The following FAM120C variants were observed in gnomAD, a reference collection of about 807,000 sequenced individuals.
FAM120C encodes family with sequence similarity 120 member C.
Under a neutral mutation model 71.2 loss-of-function variants are expected in FAM120C, and 14 were observed. The ratio of observed to expected loss-of-function variants is 0.20; its 90% confidence interval spans 0.13 to 0.31. FAM120C has a LOEUF of 0.31. Among genes scored for constraint, FAM120C ranks in the 10% least tolerant of loss-of-function variants. The pLI, the probability that FAM120C is intolerant of heterozygous loss-of-function variation, is 1.00. For missense variants in FAM120C, 500 were observed against 879.0 expected, an observed-to-expected ratio of 0.57 and a Z score of 5.45; for synonymous variants, 354 against 353.2, an observed-to-expected ratio of 1.00 and a Z score of -0.03.
intron 9 of FAM120C, among the ~76,000 whole-genome samples, chrX:54,131,886 C>A (rs1347116360): frequency 9.2e-6 from 1 of 109,224 alleles, no homozygotes; most frequent in South Asian, 3.9e-4. Context: ...GTAGCTGGGA[C>A]TACAGGCGCC....
At chrX:54,095,598 C>T (rs1186708872) in intron 10 of FAM120C, among the ~76,000 whole-genome samples, 4 of 111,481 alleles carry the variant, frequency 3.6e-5, no homozygotes, top group South Asian at 3.7e-4. Context: ...CCGCCAGCCT[C>T]GGCCTCCCAA....
rs1415207857 is a variant in FAM120C, at chrX:54,162,712, A to G, written c.700-3096T>C. The stretch of plus-strand genomic sequence containing the variant: ...GATTGCAAGCTATCCAAGCTCGAGT[A>G]GCAAAGTAGTATTAGGTATCAATTA... On this transcript the variant is annotated intron_variant, in intron 1 of 15. Transcript: ENST00000375180. Among the ~76,000 whole-genome samples, 3 of 112,180 alleles carry G rather than the reference A, an allele frequency of 2.7e-5. No homozygotes were observed. The East Asian group carries it at 8.4e-4, about 31-fold the overall frequency.
At chrX:54,086,294 T>TA (rs1189630804) in intron 12 of FAM120C, among the ~76,000 whole-genome samples, 1 of 111,917 alleles carries the variant, frequency 8.9e-6, no homozygotes, top group African/African-American at 3.2e-5. Flanking sequence ...ATCTGACAAA[T>TA]AAAAAGCCTT....
intron 1 of FAM120C, among the ~76,000 whole-genome samples, chrX:54,168,387 G>T (rs1420267440): frequency 9.0e-6 from 1 of 111,595 alleles, no homozygotes; most frequent in African/African-American, 3.3e-5. Flanking sequence ...TTCTTACCTT[G>T]GCTTCTCAAA....
intron 11 of FAM120C, among the ~76,000 whole-genome samples, chrX:54,090,453 G>A (rs1281242283): frequency 2.7e-5 from 3 of 109,787 alleles, no homozygotes; most frequent in Admixed American, 9.9e-5. Flanking sequence ...GGGTGGTCTC[G>A]AACTCCTGAC....
At chrX:54,084,223 A>G (rs1465309257) in intron 13 of FAM120C, among the ~76,000 whole-genome samples, 1 of 111,546 alleles carries the variant, frequency 9.0e-6, no homozygotes, top group Non-Finnish European at 1.9e-5. Flanking sequence ...ATCAACACAT[A>G]AAGAACGGAG....
chrX:54,076,011 G>A (rs1235548809), intron 15 of FAM120C, among the ~76,000 whole-genome samples: 1 of 109,843 alleles, frequency 9.1e-6, no homozygotes, highest in African/African-American at 3.3e-5. Context: ...TACTTGGGAG[G>A]CTGAAGCAGG....
At chrX:54,079,892 A>C (rs2066756313) in intron 15 of FAM120C, among the ~76,000 whole-genome samples, 1 of 111,963 alleles carries the variant, frequency 8.9e-6, no homozygotes, top group African/African-American at 3.2e-5. Flanking sequence ...GGCCCCTCAG[A>C]AGCTCAGGCA....
chrX:54,086,123 C>T (rs2066793305), intron 12 of FAM120C, among the ~76,000 whole-genome samples: 1 of 111,395 alleles, frequency 9.0e-6, no homozygotes, highest in African/African-American at 3.3e-5. Flanking sequence ...ATCACACTAC[C>T]ATCATATGAG....
At position 54,134,970 on chromosome X, in the gene FAM120C, C is replaced by G; in HGVS notation, c.1477G>C (p.Ala493Pro). ...EDPMLQNSPF[A>P]NWAVSYDSSA... ...GAGTCATAGGAGACAGCCCAATTGG[C>G]AAAGGGGCTGTTCTGCAGCATGGGA... Residue 493 changes from alanine to proline, a missense_variant, in exon 7 of 16, where the codon GCC (alanine) becomes CCC (proline). Transcript: ENST00000375180. 1 of 1,211,355 alleles carries G rather than the reference C, an allele frequency of 8.3e-7. No homozygotes were observed.
chrX:54,106,328 A>G (rs369598059), intron 10 of FAM120C, among the ~76,000 whole-genome samples: 1 of 112,215 alleles, frequency 8.9e-6, no homozygotes, highest in South Asian at 3.7e-4. Flanking sequence ...CCTATTTAAT[A>G]AATGGTGTTG....
chrX:54,132,115 A>T (rs1557129470), intron 9 of FAM120C, among the ~76,000 whole-genome samples: 1 of 109,969 alleles, frequency 9.1e-6, no homozygotes, highest in Non-Finnish European at 1.9e-5. Context: ...GAGTACAGTA[A>T]CACGATCAGG....
intron 1 of FAM120C, among the ~76,000 whole-genome samples, chrX:54,179,796 G>A (rs1225329983): frequency 8.9e-6 from 1 of 111,852 alleles, no homozygotes; most frequent in African/African-American, 3.2e-5. Flanking sequence ...GGACATTATG[G>A]AGAATACAAA....
At chrX:54,179,854 A>T (rs1381126195) in intron 1 of FAM120C, among the ~76,000 whole-genome samples, 1 of 112,071 alleles carries the variant, frequency 8.9e-6, no homozygotes, top group Non-Finnish European at 1.9e-5. Flanking sequence ...AGATTTATAC[A>T]TTCCCCAAGA....
chrX:54,182,474 T>C (rs2067355951), intron 1 of FAM120C, 26 bp downstream of exon 1: 1 of 1,185,664 alleles, frequency 8.4e-7, no homozygotes, highest in African/African-American at 1.8e-5. Context: ...TGGGGCTTAT[T>C]ATTTAAGATC....
At chrX:54,118,702 T>TC in intron 9 of FAM120C, among the ~76,000 whole-genome samples, 1 of 81,953 alleles carries the variant, frequency 1.2e-5, no homozygotes, top group Non-Finnish European at 2.3e-5. Context: ...TTTTTTTCTT[T>TC]TTTTTTTTTT....
At chrX:54,091,944 G>A (rs2066826487) in intron 10 of FAM120C, among the ~76,000 whole-genome samples, 2 of 111,239 alleles carry the variant, frequency 1.8e-5, no homozygotes, top group South Asian at 7.7e-4. Flanking sequence ...GCAGCCTGAG[G>A]AACACTGAGG....
At chrX:54,088,529 T>C (rs1158373249) in intron 11 of FAM120C, among the ~76,000 whole-genome samples, 1 of 95,326 alleles carries the variant, frequency 1.0e-5, no homozygotes, top group East Asian at 3.3e-4. Flanking sequence ...GAGGTGAAGG[T>C]TGCAGTGAGC....
intron 1 of FAM120C, 122 bp from the exon 2 acceptor site, chrX:54,159,738 G>T: frequency 5.5e-5 from 30 of 545,753 alleles, no homozygotes; most frequent in Non-Finnish European, 6.8e-5. Flanking sequence ...TGAGAGAACA[G>T]AACATTCTTT....
Sources: allele counts gnomAD v4.1 joint callset (sites outside exome capture counted in the v4.1 genomes callset), GRCh38; gene constraint gnomAD v4.1.1; transcripts MANE v1.5; gene names NCBI Gene and HGNC (gene_info 2026-07-23, HGNC 2026-07-21).